ODAD2: variants seen among roughly 807,000 people sequenced by gnomAD.
ODAD2 encodes outer dynein arm-docking complex subunit 2.
A neutral mutation model predicts 106.8 loss-of-function variants in ODAD2; 89 were observed. That is an observed-to-expected ratio of 0.83 (90% CI 0.70 to 0.99). The LOEUF is 0.99. Ranked by LOEUF, ODAD2 falls within the 50% of genes least tolerant of loss-of-function variation. ODAD2 has a pLI of 0.00. For missense variants in ODAD2, 1,168 were observed against 1,238.5 expected, an observed-to-expected ratio of 0.94 and a Z score of 0.85; for synonymous variants, 404 against 436.2, an observed-to-expected ratio of 0.93 and a Z score of 0.92.
chr10:27,943,878 T>C lies in ODAD2; in HGVS notation c.1743+344A>G, dbSNP rs530109026. 1.0e-4 allele frequency among the ~76,000 whole-genome samples: 15 copies of C among 150,236 alleles called. 1 individual carries two copies. In the South Asian group the frequency reaches 3.2e-3, roughly 32 times the overall value. On this transcript the variant is annotated intron_variant, in intron 12 of 19. Transcript: ENST00000305242. ...TTAAGTTGTAAAGCTTTTGACGTTT[T>C]AAAGTTTTCAGCATTCCACCGAGCA...
At chr10:27,852,773 C>A (rs1035684909) in intron 19 of ODAD2, among the ~76,000 whole-genome samples, 28 of 151,382 alleles carry the variant, frequency 1.8e-4, no homozygotes, top group African/African-American at 6.8e-4. Context: ...CCAGCCTGAC[C>A]AACATGGCAA....
intron 19 of ODAD2, among the ~76,000 whole-genome samples, chr10:27,853,636 G>A (rs1482203436): frequency 1.3e-5 from 2 of 152,098 alleles, no homozygotes; most frequent in Non-Finnish European, 2.9e-5. Context: ...GCCTGGTCCA[G>A]TTGTTTTTTA....
At chr10:27,814,793 A>G (rs1208186794) in intron 19 of ODAD2, among the ~76,000 whole-genome samples, 1 of 152,300 alleles carries the variant, frequency 6.6e-6, no homozygotes, top group Non-Finnish European at 1.5e-5. Context: ...CAGGAAAACC[A>G]TAACTGTCCA....
intron 17 of ODAD2, among the ~76,000 whole-genome samples, chr10:27,875,062 T>G (rs1841221399): frequency 6.6e-6 from 1 of 152,224 alleles, no homozygotes; most frequent in South Asian, 2.1e-4. Context: ...TTCTTTTTAT[T>G]CTTTTTTCTC....
At chr10:27,837,465 G>A (rs759542614) in intron 19 of ODAD2, among the ~76,000 whole-genome samples, 2 of 152,138 alleles carry the variant, frequency 1.3e-5, no homozygotes, top group Non-Finnish European at 2.9e-5. Context: ...ATTTGATCAG[G>A]TTTCCACAAT....
chr10:27,901,178 A>G (rs1200874931), intron 17 of ODAD2, among the ~76,000 whole-genome samples: 1 of 152,204 alleles, frequency 6.6e-6, no homozygotes, highest in Non-Finnish European at 1.5e-5. Flanking sequence ...TAAAGAAAAG[A>G]ATTTTCAACC....
At chr10:27,883,493 T>C (rs891727447) in intron 17 of ODAD2, among the ~76,000 whole-genome samples, 1 of 152,106 alleles carries the variant, frequency 6.6e-6, no homozygotes, top group Admixed American at 6.6e-5. Flanking sequence ...ATGTGATACA[T>C]ACAACAAAGG....
chr10:27,862,101 C>G (rs1188430977), intron 18 of ODAD2, among the ~76,000 whole-genome samples: 1 of 152,140 alleles, frequency 6.6e-6, no homozygotes, highest in African/African-American at 2.4e-5. Context: ...GCATGAAGAA[C>G]CATCGAGAAT....
intron 17 of ODAD2, among the ~76,000 whole-genome samples, chr10:27,876,746 T>A (rs1273742267): frequency 6.6e-6 from 1 of 151,968 alleles, no homozygotes; most frequent in Admixed American, 6.6e-5. Flanking sequence ...ATATCCGGGG[T>A]CAGCTACACT....
chr10:27,993,970 A>ATGTGTGTGTG (rs1247501567), intron 2 of ODAD2, among the ~76,000 whole-genome samples: 94 of 108,518 alleles, frequency 8.7e-4, no homozygotes, highest in African/African-American at 2.7e-3. Flanking sequence ...ATATATATAT[A>ATGTGTGTGTG]TATATGTGTG....
chr10:27,895,621 A>T (rs182724910), intron 17 of ODAD2, among the ~76,000 whole-genome samples: 1 of 152,174 alleles, frequency 6.6e-6, no homozygotes, highest in Admixed American at 6.5e-5. Context: ...ATAACTCAAA[A>T]TTCAGTTATT....
intron 19 of ODAD2, among the ~76,000 whole-genome samples, chr10:27,818,899 A>C (rs1836367511): frequency 1.3e-5 from 2 of 152,150 alleles, no homozygotes. Context: ...ACCATAGTCA[A>C]GGGTATGGGT....
intron 2 of ODAD2, among the ~76,000 whole-genome samples, chr10:27,991,980 G>A (rs1850262854): frequency 6.6e-6 from 1 of 152,326 alleles, no homozygotes; most frequent in Admixed American, 6.5e-5. Context: ...TTGGGTAATT[G>A]AGAATATCTC....
intron 15 of ODAD2, 34 bp downstream of exon 15, chr10:27,936,692 T>C: frequency 6.2e-7 from 1 of 1,611,730 alleles, no homozygotes; most frequent in Non-Finnish European, 8.5e-7. Context: ...AGAAGCCGTA[T>C]CTTCATTTCA....
At chr10:27,954,495 GTGAA>G (rs10597575) in intron 10 of ODAD2, among the ~76,000 whole-genome samples, 122,655 of 151,024 alleles carry the variant, frequency 0.81, 51,637 homozygotes, top group East Asian at 0.96. Context: ...ATAAACACGA[GTGAA>G]TGAATGAATG....
chr10:27,943,888 A>G (rs1846651941), intron 12 of ODAD2, among the ~76,000 whole-genome samples: 2 of 148,902 alleles, frequency 1.3e-5, no homozygotes, highest in Admixed American at 1.4e-4. Context: ...TAAAGTTTTC[A>G]GCATTCCACC....
chr10:27,857,599 G>A (rs557040318), intron 19 of ODAD2, among the ~76,000 whole-genome samples: 3 of 152,148 alleles, frequency 2.0e-5, no homozygotes, highest in Admixed American at 6.5e-5. Flanking sequence ...GCTGGGCAGC[G>A]CTGCTTTACA....
intron 17 of ODAD2, among the ~76,000 whole-genome samples, chr10:27,889,035 C>T (rs1422931211): frequency 6.6e-6 from 1 of 152,192 alleles, no homozygotes; most frequent in African/African-American, 2.4e-5. Flanking sequence ...ACAGACAAAG[C>T]AGCATTTAGT....
At chr10:27,924,992 A>AG (rs1162048701) in intron 16 of ODAD2, among the ~76,000 whole-genome samples, 1 of 151,638 alleles carries the variant, frequency 6.6e-6, no homozygotes, top group Non-Finnish European at 1.5e-5. Flanking sequence ...TAAAATGAAA[A>AG]AAAAAAAAAA....
Sources: gnomAD v4.1 joint callset for allele counts (sites outside exome capture counted in the v4.1 genomes callset) on GRCh38, gnomAD v4.1.1 for gene constraint, MANE v1.5 for transcripts, NCBI Gene and HGNC (gene_info 2026-07-23, HGNC 2026-07-21) for gene names.